Variants in ADAMTS6 observed in about 807,000 individuals in gnomAD.
ADAMTS6 encodes the protein A disintegrin and metalloproteinase with thrombospondin motifs 6.
Under a neutral mutation model 144.3 loss-of-function variants are expected in ADAMTS6, and 23 were observed. The observed-to-expected ratio is 0.16, with a 90% CI of 0.11 to 0.23. The LOEUF is 0.23. ADAMTS6 is among the 10% of genes least tolerant of loss of function. The probability of loss-of-function intolerance (pLI) is 1.00; values close to 1 mark genes in which losing one functional copy is unlikely to be tolerated. For missense variants in ADAMTS6, 999 were observed against 1,379.6 expected, an observed-to-expected ratio of 0.72 and a Z score of 4.37; for synonymous variants, 444 against 457.5, an observed-to-expected ratio of 0.97 and a Z score of 0.38.
At chr5:65,475,971 T>A (rs1760814767) in intron 1 of ADAMTS6, among the ~76,000 whole-genome samples, 1 of 152,204 alleles carries the variant, frequency 6.6e-6, no homozygotes, top group South Asian at 2.1e-4. Flanking sequence ...GCTCCCCTCC[T>A]CTTAATTTGA....
intron 7 of ADAMTS6, among the ~76,000 whole-genome samples, chr5:65,359,154 T>A (rs1317479318): frequency 6.6e-6 from 1 of 152,008 alleles, no homozygotes; most frequent in Non-Finnish European, 1.5e-5. Flanking sequence ...CCAAAATATA[T>A]AAGCAACTCA....
At chr5:65,447,939 T>A (rs79058335) in intron 7 of ADAMTS6, among the ~76,000 whole-genome samples, 1 of 150,874 alleles carries the variant, frequency 6.6e-6, no homozygotes, top group Middle Eastern at 3.3e-3. Flanking sequence ...AGATGTCAGA[T>A]AGTTAATACA....
intron 7 of ADAMTS6, among the ~76,000 whole-genome samples, chr5:65,359,430 A>G (rs1209441227): frequency 6.6e-6 from 1 of 152,186 alleles, no homozygotes; most frequent in Non-Finnish European, 1.5e-5. Flanking sequence ...GAGGATGTAG[A>G]GAAAGGGAGC....
chr5:65,247,454 T>C (rs1759728508), intron 14 of ADAMTS6, among the ~76,000 whole-genome samples: 1 of 152,226 alleles, frequency 6.6e-6, no homozygotes, highest in Non-Finnish European at 1.5e-5. Flanking sequence ...GTTCTAATCC[T>C]GGTTTTGTCC....
intron 9 of ADAMTS6, among the ~76,000 whole-genome samples, chr5:65,307,285 T>C (rs1425005809): frequency 6.6e-6 from 1 of 152,222 alleles, no homozygotes; most frequent in Non-Finnish European, 1.5e-5. Flanking sequence ...CCATTTTTAC[T>C]AGTCATCCCA....
chr5:65,373,651 G>A (rs2150124227), intron 7 of ADAMTS6, among the ~76,000 whole-genome samples: 1 of 152,196 alleles, frequency 6.6e-6, no homozygotes, highest in African/African-American at 2.4e-5. Flanking sequence ...AGGACCAGAT[G>A]GATTCACAGC....
chr5:65,388,675 C>A (rs1033513073), intron 7 of ADAMTS6, among the ~76,000 whole-genome samples: 1 of 152,014 alleles, frequency 6.6e-6, no homozygotes, highest in Non-Finnish European at 1.5e-5. Context: ...ATCTTGATGA[C>A]GATCTTTTAA....
At chr5:65,398,821 AAAGAAAGAAAG>A (rs1286052083) in intron 7 of ADAMTS6, among the ~76,000 whole-genome samples, 4 of 138,150 alleles carry the variant, frequency 2.9e-5, no homozygotes, top group Non-Finnish European at 4.5e-5. Context: ...AGAAAGAAAG[AAAGAAAGAAAG>A]AAAGAAAGAA....
chr5:65,287,852 T>C (rs1414072125), intron 11 of ADAMTS6, among the ~76,000 whole-genome samples: 1 of 152,120 alleles, frequency 6.6e-6, no homozygotes, highest in Admixed American at 6.6e-5. Context: ...TTTTATCAAC[T>C]CAATCTGAAG....
chr5:65,170,325 T>A (rs1579949056), intron 24 of ADAMTS6, among the ~76,000 whole-genome samples: 1 of 152,300 alleles, frequency 6.6e-6, no homozygotes, highest in Non-Finnish European at 1.5e-5. Flanking sequence ...CTACTATAAA[T>A]CAAACTTAGA....
intron 20 of ADAMTS6, among the ~76,000 whole-genome samples, chr5:65,206,883 C>G (rs976692866): frequency 3.3e-5 from 5 of 151,034 alleles, no homozygotes; most frequent in Admixed American, 1.3e-4. Context: ...CACACACACA[C>G]AGACTCATAC....
At chr5:65,298,426 CAT>C (rs1384018777) in intron 10 of ADAMTS6, among the ~76,000 whole-genome samples, 1 of 152,166 alleles carries the variant, frequency 6.6e-6, no homozygotes, top group Non-Finnish European at 1.5e-5. Context: ...ATTATAAAAA[CAT>C]AAGCCAAGTC....
chr5:65,204,403 T>A (rs184382028), intron 20 of ADAMTS6, among the ~76,000 whole-genome samples: 1 of 151,902 alleles, frequency 6.6e-6, no homozygotes, highest in East Asian at 1.9e-4. Flanking sequence ...ATCTCAAGAG[T>A]CAAGTTATAT....
rs564997358 is a variant in ADAMTS6, at chr5:65,154,466, A to T, written c.3245-2521T>A. Reference sequence around the variant, plus strand: ...GAAGTCCGTAGGTTCTGGGAACAGGATCAAGCTTAGGGACGTTGGGATTAT... The same window carrying T: ...GAAGTCCGTAGGTTCTGGGAACAGGTTCAAGCTTAGGGACGTTGGGATTAT... On this transcript the variant is annotated intron_variant, in intron 24 of 24. Transcript: ENST00000381055. 2.0e-5 allele frequency among the ~76,000 whole-genome samples: 3 copies of T among 152,290 alleles called. No homozygotes were observed. In the South Asian group the frequency reaches 6.2e-4, roughly 32 times the overall value.
chr5:65,206,478 T>A (rs2112277146), intron 20 of ADAMTS6, among the ~76,000 whole-genome samples: 1 of 152,110 alleles, frequency 6.6e-6, no homozygotes, highest in East Asian at 1.9e-4. Context: ...GGCAGGTGGA[T>A]TGCCTGGGTC....
At chr5:65,278,957 T>C (rs1762774512) in intron 11 of ADAMTS6, among the ~76,000 whole-genome samples, 1 of 151,542 alleles carries the variant, frequency 6.6e-6, no homozygotes, top group Non-Finnish European at 1.5e-5. Flanking sequence ...TTTTTTTTTT[T>C]TTTTGAGGCA....
rs1761108150 is a variant in ADAMTS6, at chr5:65,260,642, A to G, written c.1788T>C (p.Tyr596=). ...GATACCGTTTCCTTTCCCCAAGGCA[A>G]TATTTTCCACCTCCTGAAGGTCTGA... ...DSPAPSGGGK[Y]CLGERKRYRS... is the part of the protein sequence containing the mutation. The change falls in exon 14 of 25, where the codon TAT becomes TAC. Residue 596 remains tyrosine (Y), a synonymous_variant. Transcript: ENST00000381055. 6 of 1,613,452 alleles carry G rather than the reference A, an allele frequency of 3.7e-6. No individual in the cohort carries two copies. Among genetic ancestry groups the G allele is most frequent in the South Asian group, 2.2e-5 (2 of 91,056 alleles).
At chr5:65,242,603 A>T (rs1759288118) in intron 14 of ADAMTS6, among the ~76,000 whole-genome samples, 1 of 152,142 alleles carries the variant, frequency 6.6e-6, no homozygotes, top group Admixed American at 6.6e-5. Flanking sequence ...TCTTTATTTT[A>T]AAAAATCAAG....
At chr5:65,212,980 T>C (rs1253370621) in intron 20 of ADAMTS6, among the ~76,000 whole-genome samples, 4 of 152,242 alleles carry the variant, frequency 2.6e-5, no homozygotes, top group African/African-American at 9.6e-5. Context: ...GAAAAGTTAA[T>C]TTATAGAATA....
Sources: allele counts gnomAD v4.1 joint callset (sites outside exome capture counted in the v4.1 genomes callset), GRCh38; gene constraint gnomAD v4.1.1; transcripts MANE v1.5; gene names NCBI Gene and HGNC (gene_info 2026-07-23, HGNC 2026-07-21).